Variants in NUP155 observed in about 807,000 individuals in gnomAD.
NUP155 encodes nuclear pore complex protein Nup155.
Under a neutral mutation model 180.4 loss-of-function variants are expected in NUP155, and 71 were observed. The observed-to-expected ratio is 0.39, with a 90% CI of 0.33 to 0.48. The LOEUF is 0.48. NUP155 is among the 20% of genes least tolerant of loss of function. The probability of loss-of-function intolerance (pLI) is 0.91; values close to 1 mark genes in which losing one functional copy is unlikely to be tolerated. For missense variants in NUP155, 1,553 were observed against 1,648.9 expected (o/e 0.94, Z 1.01); for synonymous variants, 582 against 559.5 (o/e 1.04, Z -0.57).
intron 1 of NUP155, among the ~76,000 whole-genome samples, chr5:37,369,678 T>C (rs1747837280): frequency 6.6e-6 from 1 of 152,246 alleles, no homozygotes; most frequent in Non-Finnish European, 1.5e-5. Context: ...ATACTATCTT[T>C]GTTTCTATCA....
intron 30 of NUP155, among the ~76,000 whole-genome samples, chr5:37,300,572 G>A (rs780314777): frequency 6.6e-6 from 1 of 152,190 alleles, no homozygotes; most frequent in Non-Finnish European, 1.5e-5. Context: ...TACAGAGAGA[G>A]AAAGAGGTTT....
chr5:37,367,927 C>G (rs944958753), intron 1 of NUP155, among the ~76,000 whole-genome samples: 1 of 151,968 alleles, frequency 6.6e-6, no homozygotes, highest in Non-Finnish European at 1.5e-5. Flanking sequence ...GGGATTACAG[C>G]CATGAGCCAC....
Position 37,370,959 on chromosome 5 carries a change from C to A in NUP155, c.19G>T (p.Gly7Cys). The A allele has an allele frequency of 6.2e-7, 1 of 1,614,000 alleles. No individual in the cohort carries two copies. The highest frequency in any genetic ancestry group is 1.1e-5 in the South Asian group (1 of 91,084). Residue 7 changes from glycine (G) to cysteine (C), a missense_variant, in exon 1 of 35, where the codon GGC becomes TGC. Physicochemically the swap from Gly to Cys is radical, Grantham distance 159. Coordinates refer to ENST00000231498, the MANE Select transcript of NUP155 (RefSeq NM_153485.3). MPSSLLGAAMPASTSAA... is the reference protein window; with the variant it reads MPSSLLCAAMPASTSAA... ...GATGTAGAGGCCGGCATCGCCGCGC[C>A]CAACAAAGAAGACGGCATCTCGGAA...
intron 33 of NUP155, among the ~76,000 whole-genome samples, chr5:37,294,026 A>AAAAAAAAAAAAAAAT (rs1742383768): frequency 2.6e-5 from 2 of 76,068 alleles, no homozygotes; most frequent in Admixed American, 1.2e-4. Flanking sequence ...AAAAAAAAAA[A>AAAAAAAAAAAAAAAT]AATAAAGCAA....
chr5:37,296,388 T>C (rs1485694298), intron 32 of NUP155, among the ~76,000 whole-genome samples: 1 of 152,040 alleles, frequency 6.6e-6, no homozygotes, highest in African/African-American at 2.4e-5. Flanking sequence ...CCCAACCCTG[T>C]GCTCTCTGAA....
At chr5:37,323,917 G>A (rs1463942402) in intron 20 of NUP155, 75 bp downstream of exon 20, 5 of 1,009,812 alleles carry the variant, frequency 5.0e-6, no homozygotes, top group African/African-American at 1.6e-5. Flanking sequence ...GACCAACTTT[G>A]TAGTATGTAA....
intron 22 of NUP155, among the ~76,000 whole-genome samples, chr5:37,312,333 G>A (rs1277747310): frequency 6.6e-6 from 1 of 151,632 alleles, no homozygotes. Flanking sequence ...TATAGAAAAT[G>A]CAGGAGATAG....
At chr5:37,357,003 AG>A (rs1746869372) in intron 4 of NUP155, among the ~76,000 whole-genome samples, 2 of 152,140 alleles carry the variant, frequency 1.3e-5, no homozygotes, top group African/African-American at 4.8e-5. Context: ...GCTACTTGGA[AG>A]GCTGAGGCAA....
intron 1 of NUP155, among the ~76,000 whole-genome samples, chr5:37,364,640 A>ATTT (rs113039347): frequency 3.8e-5 from 2 of 52,962 alleles, no homozygotes; most frequent in African/African-American, 5.1e-5. Flanking sequence ...ATTTTATTTT[A>ATTT]TTTTTTTTTT....
At chr5:37,333,046 A>C (rs1745083142) in intron 13 of NUP155, among the ~76,000 whole-genome samples, 1 of 152,148 alleles carries the variant, frequency 6.6e-6, no homozygotes, top group Non-Finnish European at 1.5e-5. Flanking sequence ...AAATCTCAAT[A>C]AACAAAGTCA....
intron 32 of NUP155, among the ~76,000 whole-genome samples, chr5:37,295,769 G>C (rs1218113085): frequency 6.6e-6 from 1 of 151,096 alleles, no homozygotes; most frequent in Non-Finnish European, 1.5e-5. Context: ...CCCTCTGCCT[G>C]GCAACCGCCC....
At chr5:37,300,710 G>A (rs769026215) in intron 30 of NUP155, among the ~76,000 whole-genome samples, 4 of 151,998 alleles carry the variant, frequency 2.6e-5, no homozygotes, top group Non-Finnish European at 5.9e-5. Context: ...AGGCTGGAAT[G>A]CAGTAGCACC....
intron 20 of NUP155, among the ~76,000 whole-genome samples, chr5:37,320,986 C>A (rs907189448): frequency 6.6e-6 from 1 of 152,100 alleles, no homozygotes; most frequent in Admixed American, 6.5e-5. Flanking sequence ...CAATCCAATA[C>A]AATAAGGAAA....
intron 5 of NUP155, 62 bp from the exon 6 acceptor site, chr5:37,351,418 G>T: frequency 1.7e-6 from 2 of 1,177,024 alleles, no homozygotes; most frequent in Non-Finnish European, 2.5e-6. Flanking sequence ...AAAAATCTTT[G>T]CATTATCATC....
intron 32 of NUP155, among the ~76,000 whole-genome samples, chr5:37,297,936 A>AG (rs886687673): frequency 2.8e-5 from 1 of 35,504 alleles, no homozygotes; most frequent in African/African-American, 3.8e-4. Context: ...GCTCATTTGA[A>AG]AAAAAAAAAA....
intron 14 of NUP155, among the ~76,000 whole-genome samples, chr5:37,331,091 G>A (rs1744931620): frequency 6.6e-6 from 1 of 151,744 alleles, no homozygotes; most frequent in Admixed American, 6.6e-5. Context: ...GGAGCTTAGA[G>A]TGAGCCGAGA....
intron 3 of NUP155, among the ~76,000 whole-genome samples, chr5:37,362,182 C>A (rs1747266370): frequency 6.6e-6 from 1 of 152,106 alleles, no homozygotes; most frequent in East Asian, 1.9e-4. Context: ...ACATTCATCT[C>A]ATTCAGTACT....
intron 18 of NUP155, chr5:37,327,313 CA>C: frequency 5.7e-6 from 2 of 351,400 alleles, no homozygotes; most frequent in Non-Finnish European, 1.1e-5. Context: ...TTAAGAAAGT[CA>C]AAAGTTGTAC....
At chr5:37,319,879 A>G (rs1215334580) in intron 20 of NUP155, among the ~76,000 whole-genome samples, 1 of 152,110 alleles carries the variant, frequency 6.6e-6, no homozygotes, top group African/African-American at 2.4e-5. Context: ...CAAAAAAGAA[A>G]ACCAAAAAAC....
Sources: gnomAD v4.1 joint callset for allele counts (sites outside exome capture counted in the v4.1 genomes callset) on GRCh38, gnomAD v4.1.1 for gene constraint, MANE v1.5 for transcripts, NCBI Gene and HGNC (gene_info 2026-07-23, HGNC 2026-07-21) for gene names.